MYO1D: variants seen among roughly 807,000 people sequenced by gnomAD.
MYO1D encodes myosin ID, also known as unconventional myosin-Id.
In MYO1D, 83 loss-of-function variants were observed where a neutral mutation model predicts 122.0. The observed-to-expected ratio is 0.68, with a 90% CI of 0.57 to 0.82. MYO1D has a LOEUF of 0.82. Ranked by LOEUF, MYO1D falls within the 40% of genes least tolerant of loss-of-function variation. MYO1D has a pLI of 0.00. For missense variants in MYO1D, 1,157 were observed against 1,269.5 expected, an observed-to-expected ratio of 0.91 and a Z score of 1.35; for synonymous variants, 464 against 446.9, an observed-to-expected ratio of 1.04 and a Z score of -0.48.
chr17:32,749,497 GAGGC>G (rs2089876471), intron 11 of MYO1D, among the ~76,000 whole-genome samples: 1 of 152,206 alleles, frequency 6.6e-6, no homozygotes, highest in Non-Finnish European at 1.5e-5. Flanking sequence ...TTGGGAGGCT[GAGGC>G]AGGCAGATTG....
At chr17:32,795,954 C>T (rs559078369) in intron 1 of MYO1D, among the ~76,000 whole-genome samples, 1 of 152,212 alleles carries the variant, frequency 6.6e-6, no homozygotes, top group South Asian at 2.1e-4. Flanking sequence ...CTTCACACCA[C>T]CTCATGTTGT....
At chr17:32,741,577 G>A (rs2089772814) in intron 13 of MYO1D, among the ~76,000 whole-genome samples, 1 of 152,066 alleles carries the variant, frequency 6.6e-6, no homozygotes, top group Non-Finnish European at 1.5e-5. Context: ...TTCTGATTCT[G>A]TGCTTACCAG....
chr17:32,634,186 C>CAGAT (rs2088064845), intron 20 of MYO1D, among the ~76,000 whole-genome samples: 2 of 152,208 alleles, frequency 1.3e-5, no homozygotes, highest in Admixed American at 6.5e-5. Context: ...CTCTCTGACC[C>CAGAT]AGATGCAATT....
intron 14 of MYO1D, among the ~76,000 whole-genome samples, chr17:32,736,635 T>C (rs1345140479): frequency 6.6e-6 from 1 of 152,258 alleles, no homozygotes; most frequent in Non-Finnish European, 1.5e-5. Flanking sequence ...CAATTCCTGA[T>C]ACAGAAATTA....
intron 21 of MYO1D, among the ~76,000 whole-genome samples, chr17:32,539,276 T>TACAC (rs5819986): frequency 0.019 from 2,566 of 133,480 alleles, 33 homozygotes; most frequent in Non-Finnish European, 0.022. Context: ...ACCCTGTCTC[T>TACAC]ACACACACAC....
chr17:32,644,744 T>G (rs181437564), intron 19 of MYO1D, among the ~76,000 whole-genome samples: 1 of 152,122 alleles, frequency 6.6e-6, no homozygotes, highest in Non-Finnish European at 1.5e-5. Context: ...AACCCCTGCC[T>G]TTTTTTGTTT....
At chr17:32,841,937 G>T (rs1313171225) in intron 1 of MYO1D, among the ~76,000 whole-genome samples, 3 of 152,144 alleles carry the variant, frequency 2.0e-5, no homozygotes, top group Admixed American at 1.3e-4. Context: ...CTAAGAAAGA[G>T]ACATTACACA....
intron 19 of MYO1D, among the ~76,000 whole-genome samples, chr17:32,641,580 T>A (rs1455179338): frequency 6.6e-6 from 1 of 152,196 alleles, no homozygotes; most frequent in Admixed American, 6.5e-5. Flanking sequence ...TTTCTCCACA[T>A]CCTCTCCAGC....
Position 32,703,001 on chromosome 17 carries a change from T to C in MYO1D, c.2121+8987A>G, listed in dbSNP as rs115255529. On this transcript the variant is annotated intron_variant, in intron 16 of 21. Transcript: ENST00000318217. ...GCTGTAACTGTGATGCTAAGTTACC[T>C]ACAAATTGCTCAGAGGAAAATGATT... 2.8e-3 allele frequency among the ~76,000 whole-genome samples: 423 copies of C among 152,360 alleles called. 1 individual carries two copies. Among genetic ancestry groups the C allele is most frequent in the African/African-American group, 9.9e-3 (412 of 41,586 alleles).
At chr17:32,859,116 C>T (rs1236587736) in intron 1 of MYO1D, among the ~76,000 whole-genome samples, 1 of 152,212 alleles carries the variant, frequency 6.6e-6, no homozygotes, top group Non-Finnish European at 1.5e-5. Context: ...TCACAATGGA[C>T]AGAGATGGGG....
At chr17:32,556,226 C>T (rs114961977) in intron 21 of MYO1D, among the ~76,000 whole-genome samples, 2,862 of 152,280 alleles carry the variant, frequency 0.019, 105 homozygotes, top group African/African-American at 0.065. Flanking sequence ...ATGGGGGAGA[C>T]TCATCTCTAC....
At chr17:32,552,136 C>T (rs1377444557) in intron 21 of MYO1D, among the ~76,000 whole-genome samples, 7 of 152,332 alleles carry the variant, frequency 4.6e-5, no homozygotes, top group Admixed American at 4.6e-4. Flanking sequence ...GGGGCATTGG[C>T]GTAATCATGG....
intron 13 of MYO1D, among the ~76,000 whole-genome samples, chr17:32,739,192 A>G (rs1382802396): frequency 2.0e-5 from 3 of 152,196 alleles, no homozygotes; most frequent in Non-Finnish European, 4.4e-5. Context: ...TGCTTCCTAG[A>G]AACTTTTATC....
At chr17:32,612,325 C>G (rs2150919483) in intron 20 of MYO1D, among the ~76,000 whole-genome samples, 1 of 152,218 alleles carries the variant, frequency 6.6e-6, no homozygotes, top group African/African-American at 2.4e-5. Flanking sequence ...AAGGAAAAAA[C>G]AGGCAAAACC....
chr17:32,748,972 C>T lies in MYO1D; in HGVS notation c.1502G>A (p.Arg501Gln), dbSNP rs1385941830. ...TGCATAATGTCGAATTCGAAAATCT[C>T]GATCAAACTCCAGAATTTTGTCTGA... ...CASDKILEFDRDFRIRHYAGD... is the reference protein window; with the variant it reads ...CASDKILEFDQDFRIRHYAGD... The change falls in exon 12 of 22, where the codon CGA (arginine) becomes CAA (glutamine). Residue 501 changes from arginine to glutamine, a missense_variant. Physicochemically the swap from Arg to Gln is conservative, Grantham distance 43. Transcript: ENST00000318217. The T allele has an allele frequency of 6.2e-6, 10 of 1,613,724 alleles. No individual in the cohort carries two copies. Among genetic ancestry groups the T allele is most frequent in the Admixed American group, 3.3e-5 (2 of 60,000 alleles).
intron 1 of MYO1D, among the ~76,000 whole-genome samples, chr17:32,782,627 A>G (rs1042562988): frequency 1.3e-5 from 2 of 152,228 alleles, no homozygotes; most frequent in Non-Finnish European, 2.9e-5. Context: ...GGAATGAATG[A>G]ATTCAATTAT....
chr17:32,810,897 GATTAA>G (rs1308141110), intron 1 of MYO1D, among the ~76,000 whole-genome samples: 1 of 152,104 alleles, frequency 6.6e-6, no homozygotes, highest in Non-Finnish European at 1.5e-5. Context: ...TTAAAAAGTA[GATTAA>G]ATTATCTGGC....
At chr17:32,827,368 A>G (rs888219185) in intron 1 of MYO1D, among the ~76,000 whole-genome samples, 1 of 152,220 alleles carries the variant, frequency 6.6e-6, no homozygotes, top group Admixed American at 6.5e-5. Flanking sequence ...TCATAGAGGC[A>G]GAAAGCATAA....
chr17:32,538,469 AT>A (rs61287547), intron 21 of MYO1D, among the ~76,000 whole-genome samples: 16,847 of 113,484 alleles, frequency 0.15, 1,100 homozygotes, highest in Middle Eastern at 0.2. Flanking sequence ...TATTATTATT[AT>A]TTTTTTTTTT....
Sources: gnomAD v4.1 joint callset for allele counts (sites outside exome capture counted in the v4.1 genomes callset) on GRCh38, gnomAD v4.1.1 for gene constraint, MANE v1.5 for transcripts, NCBI Gene and HGNC (gene_info 2026-07-23, HGNC 2026-07-21) for gene names.